The following TRPM3 variants were observed in gnomAD, a reference collection of about 807,000 sequenced individuals.
TRPM3 encodes long transient receptor potential channel 3.
TRPM3 carries 77 observed loss-of-function variants against 181.2 expected under a neutral mutation model. The ratio of observed to expected loss-of-function variants is 0.42; its 90% CI spans 0.35 to 0.51. The LOEUF (loss-of-function observed/expected upper bound fraction) is 0.51. Among genes scored for constraint, TRPM3 ranks in the 20% least tolerant of loss-of-function variants. The probability of loss-of-function intolerance (pLI) is 0.01; values close to 1 mark genes in which losing one functional copy is unlikely to be tolerated. For synonymous variants in TRPM3, 745 were observed against 796.4 expected (o/e 0.94, Z 1.09); for missense variants, 1,759 against 2,196.7 (o/e 0.80, Z 3.98).
intron 1 of TRPM3, among the ~76,000 whole-genome samples, chr9:70,949,080 A>G (rs2096966906): frequency 6.6e-6 from 1 of 152,172 alleles, no homozygotes; most frequent in African/African-American, 2.4e-5. Flanking sequence ...GCATGGAAAT[A>G]GCCCTGGACA....
intron 1 of TRPM3, among the ~76,000 whole-genome samples, chr9:71,236,329 T>C (rs2081347974): frequency 6.6e-6 from 1 of 152,206 alleles, no homozygotes; most frequent in Non-Finnish European, 1.5e-5. Context: ...CTACACTCTA[T>C]ACTGTTTCTT....
intron 3 of TRPM3, among the ~76,000 whole-genome samples, chr9:70,853,412 A>C (rs1300540970): frequency 6.6e-6 from 1 of 152,198 alleles, no homozygotes; most frequent in African/African-American, 2.4e-5. Context: ...ATTTCTAACC[A>C]GCTCCTCAGG....
At chr9:71,195,543 G>A (rs72733821) in intron 1 of TRPM3, among the ~76,000 whole-genome samples, 12,612 of 152,150 alleles carry the variant, frequency 0.083, 633 homozygotes, top group Non-Finnish European at 0.11. Context: ...GTGGAATGTA[G>A]AGTGGAGATT....
At chr9:71,413,644 A>G (rs1245785153) in intron 1 of TRPM3, among the ~76,000 whole-genome samples, 2 of 152,122 alleles carry the variant, frequency 1.3e-5, no homozygotes, top group African/African-American at 4.8e-5. Flanking sequence ...ATTTAGGTCA[A>G]GAGAGCTCCA....
chr9:70,929,038 C>T (rs914515838), intron 1 of TRPM3, among the ~76,000 whole-genome samples: 3 of 152,146 alleles, frequency 2.0e-5, no homozygotes, highest in Admixed American at 2.0e-4. Flanking sequence ...CCAGGGAAGA[C>T]TCAGCACATG....
intron 1 of TRPM3, among the ~76,000 whole-genome samples, chr9:71,015,412 G>T (rs986711569): frequency 1.3e-5 from 2 of 152,162 alleles, no homozygotes; most frequent in Non-Finnish European, 2.9e-5. Flanking sequence ...TAACACTTCA[G>T]CCAGGGGTTG....
At chr9:71,105,668 A>C (rs913948864) in intron 1 of TRPM3, among the ~76,000 whole-genome samples, 1 of 152,160 alleles carries the variant, frequency 6.6e-6, no homozygotes, top group African/African-American at 2.4e-5. Flanking sequence ...GTTAGTTTGT[A>C]TATCAAAGCC....
chr9:70,687,139 TAA>T (rs1315710889), intron 8 of TRPM3, among the ~76,000 whole-genome samples: 1 of 152,152 alleles, frequency 6.6e-6, no homozygotes, highest in Non-Finnish European at 1.5e-5. Flanking sequence ...CAGAAATTGC[TAA>T]AAATTTCTTG....
chr9:71,337,945 CA>C (rs961729005), intron 1 of TRPM3, among the ~76,000 whole-genome samples: 17 of 152,024 alleles, frequency 1.1e-4, no homozygotes, highest in African/African-American at 3.6e-4. Context: ...GGTGGGGGGC[CA>C]GGGGAGGGAG....
intron 1 of TRPM3, among the ~76,000 whole-genome samples, chr9:70,927,024 T>C (rs548202167): frequency 1.3e-5 from 2 of 152,242 alleles, no homozygotes; most frequent in African/African-American, 4.8e-5. Flanking sequence ...CCATTTCAAG[T>C]AACATGAAAA....
At chr9:70,603,936 A>G (rs1357031905) in intron 19 of TRPM3, among the ~76,000 whole-genome samples, 3 of 152,212 alleles carry the variant, frequency 2.0e-5, no homozygotes, top group African/African-American at 7.2e-5. Flanking sequence ...ACACCTGTAA[A>G]TTGGTCAAAC....
At chr9:71,420,172 G>A (rs1441178278) in intron 1 of TRPM3, among the ~76,000 whole-genome samples, 4 of 151,924 alleles carry the variant, frequency 2.6e-5, no homozygotes, top group African/African-American at 9.7e-5. Context: ...GGGGATCTGA[G>A]ATATCATGAG....
intron 1 of TRPM3, among the ~76,000 whole-genome samples, chr9:71,187,944 T>TAGATAGAC (rs2077781820): frequency 2.7e-5 from 2 of 74,670 alleles, no homozygotes; most frequent in African/African-American, 8.4e-5. Flanking sequence ...GATAGATAGA[T>TAGATAGAC]AGATAGATCA....
chr9:70,627,102 C>CTGT (rs768532637), intron 12 of TRPM3, among the ~76,000 whole-genome samples: 4 of 151,724 alleles, frequency 2.6e-5, no homozygotes, highest in Non-Finnish European at 5.9e-5. Flanking sequence ...TAGCCACAAT[C>CTGT]TTGTTAGTCA....
chr9:70,583,871 TCTC>T (rs1442132805), intron 22 of TRPM3, among the ~76,000 whole-genome samples: 1 of 152,154 alleles, frequency 6.6e-6, no homozygotes, highest in African/African-American at 2.4e-5. Context: ...CTTTCTATCA[TCTC>T]CTATTCCTAC....
At chr9:71,132,728 A>G (rs2074451144) in intron 1 of TRPM3, among the ~76,000 whole-genome samples, 1 of 152,212 alleles carries the variant, frequency 6.6e-6, no homozygotes, top group African/African-American at 2.4e-5. Context: ...ATCCATCAAT[A>G]ACTGTTGATG....
At chr9:71,411,602 T>C (rs150969088) in intron 1 of TRPM3, among the ~76,000 whole-genome samples, 1 of 151,870 alleles carries the variant, frequency 6.6e-6, no homozygotes. Flanking sequence ...AAATAAAAGA[T>C]GACACAAACA....
At chr9:70,830,416 G>T (rs1016680309) in intron 5 of TRPM3, among the ~76,000 whole-genome samples, 8 of 152,128 alleles carry the variant, frequency 5.3e-5, no homozygotes, top group Admixed American at 5.2e-4. Flanking sequence ...TAGCTCAGCG[G>T]CTCTTTGGGA....
rs115886136 is a variant in TRPM3 at position 71,119,314 on chromosome 9, A to G, written c.177+1864T>C. Among the ~76,000 whole-genome samples the G allele has an allele frequency of 4.5e-3, 684 of 152,316 alleles. 2 individuals are homozygous for G. Among genetic ancestry groups the G allele is most frequent in the African/African-American group, 0.016 (662 of 41,568 alleles). ...AGTAATGCACTTTATTCAATAAATTATTACAAAGCATCACTTTAATAAAGG... is the reference window on the plus strand; with the variant it reads ...AGTAATGCACTTTATTCAATAAATTGTTACAAAGCATCACTTTAATAAAGG... On this transcript the variant is annotated intron_variant, in intron 1 of 25. Coordinates refer to ENST00000677713, the MANE Select transcript of TRPM3 (RefSeq NM_001366145.2).
Sources: allele counts gnomAD v4.1 joint callset (sites outside exome capture counted in the v4.1 genomes callset), GRCh38; gene constraint gnomAD v4.1.1; transcripts MANE v1.5; gene names NCBI Gene and HGNC (gene_info 2026-07-23, HGNC 2026-07-21).